The following KPNA5 variants were observed in gnomAD, a reference collection of about 807,000 sequenced individuals.
The protein encoded by KPNA5 is karyopherin subunit alpha 5.
In KPNA5, 46 loss-of-function variants were observed where a neutral mutation model predicts 71.3. The observed-to-expected ratio is 0.65, with a 90% CI of 0.51 to 0.83. The LOEUF is 0.83. Ranked by LOEUF, KPNA5 falls within the 40% of genes least tolerant of loss-of-function variation. KPNA5 has a pLI of 0.00. For synonymous variants in KPNA5, 207 were observed against 201.4 expected (o/e 1.03, Z -0.24); for missense variants, 547 against 628.3 (o/e 0.87, Z 1.38).
At chr6:116,700,456 CTAAA>C (rs1242184908) in intron 5 of KPNA5, among the ~76,000 whole-genome samples, 1 of 148,782 alleles carries the variant, frequency 6.7e-6, no homozygotes, top group African/African-American at 2.4e-5. Context: ...GGCCCTGTCT[CTAAA>C]TAAATAAACA....
intron 3 of KPNA5, 57 bp downstream of exon 3, chr6:116,692,213 G>A: frequency 7.0e-7 from 1 of 1,430,928 alleles, no homozygotes; most frequent in Non-Finnish European, 9.7e-7. Flanking sequence ...GCAATAGTAT[G>A]TATAACAAAT....
Position 116,739,651 on chromosome 6 carries a change from A to T in KPNA5, c.*7328A>T, listed in dbSNP as rs948543425. ...GCATGGTACCAGTACCAAAACAGATATAGATCAATGGAACAGAACAGAGCC... is the reference window on the plus strand; with the variant it reads ...GCATGGTACCAGTACCAAAACAGATTTAGATCAATGGAACAGAACAGAGCC... On this transcript the variant is annotated 3_prime_UTR_variant, in exon 14 of 14. Coordinates refer to ENST00000368564, the MANE Select transcript of KPNA5 (RefSeq NM_001366306.2). 1 of 152,274 alleles carries T rather than the reference A, an allele frequency of 6.6e-6. No homozygotes were observed. Among genetic ancestry groups the T allele is most frequent in the Non-Finnish European group, 1.5e-5 (1 of 68,080 alleles). 9.4% of individuals were successfully genotyped at this position (152,274 alleles called of 1,614,324 possible).
At chr6:116,703,762 C>A (rs1172343214) in intron 6 of KPNA5, among the ~76,000 whole-genome samples, 1 of 152,104 alleles carries the variant, frequency 6.6e-6, no homozygotes, top group African/African-American at 2.4e-5. Context: ...ATGTTTTAAA[C>A]ATTAAAATAA....
rs932562333 is a variant in KPNA5 at position 116,737,407 on chromosome 6, C to G, written c.*5084C>G. On this transcript the variant is annotated 3_prime_UTR_variant, in exon 14 of 14. Coordinates refer to ENST00000368564, the MANE Select transcript of KPNA5 (RefSeq NM_001366306.2). ...GGCTGAAGACTCAAAGGGGAATCCTCTGCAGATAATCTGGAGCAATCTGTG... is the reference window on the plus strand; with the variant it reads ...GGCTGAAGACTCAAAGGGGAATCCTGTGCAGATAATCTGGAGCAATCTGTG... 1.3e-5 allele frequency: 2 copies of G among 151,994 alleles called. No homozygotes were observed. The highest frequency in any genetic ancestry group is 4.1e-4 in the South Asian group (2 of 4,830). 9.4% of individuals were successfully genotyped at this position (151,994 alleles called of 1,614,324 possible). A position where few individuals can be genotyped will look rare whatever the true frequency, so the allele number is the denominator to read the frequency against.
At chr6:116,681,680 C>A in intron 1 of KPNA5, 1 of 352,562 alleles carries the variant, frequency 2.8e-6, no homozygotes, top group Non-Finnish European at 4.3e-6. Context: ...GCCACTCATA[C>A]CTGGTACCCA....
At chr6:116,726,392 CA>C in intron 11 of KPNA5, 102 bp from the exon 12 acceptor site, 8 of 906,226 alleles carry the variant, frequency 8.8e-6, no homozygotes, top group African/African-American at 1.8e-5. Flanking sequence ...GTCAAGGTTC[CA>C]AAAACCTTGA....
In KPNA5 at chr6:116,700,399, G is replaced by A. The variant is rs75633383; in HGVS notation, c.435+1601G>A. 4.6e-5 allele frequency among the ~76,000 whole-genome samples: 7 copies of A among 152,290 alleles called. No homozygotes were observed. The East Asian group carries it at 1.3e-3, about 29-fold the overall frequency. ...GTGAGAGTATAACTTGAGCCCAGAC[G>A]TTTGAAGTTATAGTGAGCTGTGATC... On this transcript the variant is annotated intron_variant, in intron 5 of 13. Transcript: ENST00000368564.
chr6:116,706,669 A>G lies in KPNA5; in HGVS notation c.656+1509A>G, dbSNP rs571101548. Among the ~76,000 whole-genome samples the G allele has an allele frequency of 3.9e-5, 6 of 152,242 alleles. No homozygotes were observed. In the South Asian group the frequency reaches 1.2e-3, roughly 32 times the overall value. Reference sequence around the variant, plus strand: ...ATGCCATTGCACTCCAGCCTGGGCAACAAGAGCGAAACTCCATTTCAGATA... The same window carrying G: ...ATGCCATTGCACTCCAGCCTGGGCAGCAAGAGCGAAACTCCATTTCAGATA... On this transcript the variant is annotated intron_variant, in intron 7 of 13. Coordinates refer to ENST00000368564, the MANE Select transcript of KPNA5 (RefSeq NM_001366306.2).
Position 116,713,979 on chromosome 6 carries a change from T to A in KPNA5, c.657-2240T>A, listed in dbSNP as rs145392567. ...TTTTTGTGCATAGGTCCTTTAGCTC[T>A]TTTGAACATGTTAGACAATGAATTT... On this transcript the variant is annotated intron_variant, in intron 7 of 13. Coordinates refer to ENST00000368564, the MANE Select transcript of KPNA5 (RefSeq NM_001366306.2). Among the ~76,000 whole-genome samples the A allele has an allele frequency of 3.6e-3, 542 of 152,304 alleles. 15 individuals are homozygous for A. In the South Asian group the frequency reaches 0.06, roughly 17 times the overall value.
At chr6:116,688,554 A>G (rs1443199449) in intron 1 of KPNA5, among the ~76,000 whole-genome samples, 1 of 152,192 alleles carries the variant, frequency 6.6e-6, no homozygotes, top group African/African-American at 2.4e-5. Flanking sequence ...TTACATTGTT[A>G]AAGTTTATAA....
intron 1 of KPNA5, 134 bp downstream of exon 1, chr6:116,681,472 T>G (rs958658596): frequency 7.2e-7 from 1 of 1,391,996 alleles, no homozygotes. Context: ...CGGTGCCGGG[T>G]GTTTCTCGTG....
At chr6:116,692,483 T>G in intron 4 of KPNA5, 91 bp downstream of exon 4, 1 of 793,980 alleles carries the variant, frequency 1.3e-6, no homozygotes, top group South Asian at 1.7e-5. Flanking sequence ...TTAAAATACC[T>G]TTCTTTGCTA....
At chr6:116,723,364 C>A (rs1330640906) in intron 9 of KPNA5, among the ~76,000 whole-genome samples, 1 of 152,050 alleles carries the variant, frequency 6.6e-6, no homozygotes, top group Non-Finnish European at 1.5e-5. Context: ...GGAACAGTAA[C>A]ACTTCTACAT....
chr6:116,726,399 C>A, intron 11 of KPNA5, 96 bp from the exon 12 acceptor site: 1 of 956,366 alleles, frequency 1.0e-6, no homozygotes, highest in Non-Finnish European at 1.5e-6. Context: ...TTCCAAAAAC[C>A]TTGACATTTT....
rs1274372670 is a variant in KPNA5 at position 116,725,767 on chromosome 6, C to G, written c.1016C>G (p.Ser339Cys). The change falls in exon 11 of 14, where the codon TCT becomes TGT. Residue 339 changes from serine to cysteine, a missense_variant. Ser to Cys is a moderately radical substitution (Grantham distance 112). Transcript: ENST00000368564. Reference sequence around the variant, plus strand: ...TTGTTTTAGGTAATTTTGAATTGTTCTGCATTACCCTGTCTCTTACATTTA... The same window carrying G: ...TTGTTTTAGGTAATTTTGAATTGTTGTGCATTACCCTGTCTCTTACATTTA... ...DIQTQVILNC[S>C]ALPCLLHLLS... 2.5e-6 allele frequency: 4 copies of G among 1,610,362 alleles called. No homozygotes were observed. The South Asian group carries it at 3.3e-5, about 13-fold the overall frequency.
chr6:116,717,597 G>T (rs1778936631), intron 8 of KPNA5, among the ~76,000 whole-genome samples: 1 of 152,168 alleles, frequency 6.6e-6, no homozygotes, highest in Non-Finnish European at 1.5e-5. Context: ...AGAGACCAAG[G>T]CAAGTTTCAG....
At chr6:116,715,242 A>C (rs1487872136) in intron 7 of KPNA5, among the ~76,000 whole-genome samples, 2 of 152,112 alleles carry the variant, frequency 1.3e-5, no homozygotes, top group African/African-American at 4.8e-5. Flanking sequence ...GGAGGTTAAC[A>C]AACTCCTGAA....
intron 7 of KPNA5, among the ~76,000 whole-genome samples, chr6:116,707,958 G>A (rs1011298758): frequency 5.3e-5 from 8 of 152,074 alleles, no homozygotes; most frequent in East Asian, 1.9e-4. Flanking sequence ...CTACAAATCT[G>A]TTTTCTCTCT....
rs1778039905 is a variant in KPNA5, at chr6:116,696,627, C to T, written c.341-2077C>T. Among the ~76,000 whole-genome samples, 3 of 152,210 alleles carry T rather than the reference C, an allele frequency of 2.0e-5. No individual in the cohort carries two copies. In the South Asian group the frequency reaches 6.2e-4, roughly 32 times the overall value. On this transcript the variant is annotated intron_variant, in intron 4 of 13. Coordinates refer to ENST00000368564, the MANE Select transcript of KPNA5 (RefSeq NM_001366306.2). ...ATCACAAACCATCCTTTTCTTCAAT[C>T]CCAGTTTTGTAGAAAGTTCTCCAAA... is the stretch of plus-strand genomic sequence containing the variant.
Sources: allele counts gnomAD v4.1 joint callset (sites outside exome capture counted in the v4.1 genomes callset), GRCh38; gene constraint gnomAD v4.1.1; transcripts MANE v1.5; gene names NCBI Gene and HGNC (gene_info 2026-07-23, HGNC 2026-07-21).